The following RARB variants were observed in gnomAD, a reference collection of about 807,000 sequenced individuals.
RARB encodes HBV-activated protein.
RARB carries 17 observed loss-of-function variants against 51.9 expected under a neutral mutation model. The observed-to-expected ratio is 0.33, with a 90% CI of 0.22 to 0.49. The LOEUF (loss-of-function observed/expected upper bound fraction) is 0.49, where lower values mean the gene tolerates loss of function less well. Ranked by LOEUF, RARB falls within the 20% of genes least tolerant of loss-of-function variation. The probability of loss-of-function intolerance (pLI) is 0.99; values close to 1 mark genes in which losing one functional copy is unlikely to be tolerated. For missense variants in RARB, 369 were observed against 550.8 expected (o/e 0.67, Z 3.30); for synonymous variants, 215 against 195.4 (o/e 1.10, Z -0.84).
At chr3:25,274,141 C>G (rs1470659467) in intron 5 of RARB, among the ~76,000 whole-genome samples, 1 of 152,066 alleles carries the variant, frequency 6.6e-6, no homozygotes, top group Non-Finnish European at 1.5e-5. Flanking sequence ...TAAAAAGAAA[C>G]CAGTGAAATT....
chr3:25,174,676 TG>T (rs1700708731), intron 5 of RARB: 5 of 1,108,934 alleles, frequency 4.5e-6, no homozygotes, highest in Non-Finnish European at 6.0e-6. Flanking sequence ...CTTATTTCAT[TG>T]GGTGCTGGTT....
Position 25,144,805 on chromosome 3 carries a change from C to T in RARB, c.-280+12597C>T, listed in dbSNP as rs1357146000. On this transcript the variant is annotated intron_variant, in intron 4 of 11. Coordinates refer to the RARB transcript ENST00000383772. The stretch of plus-strand genomic sequence containing the variant: ...GAGCATGTGATCAGCCCGTATACCT[C>T]GAGGCTATATGGACTAATGAACAAT... Among the ~76,000 whole-genome samples the T allele has an allele frequency of 4.6e-5, 7 of 152,142 alleles. No individual in the cohort carries two copies. In the East Asian group the frequency reaches 7.7e-4, roughly 17 times the overall value.
chr3:24,964,624 C>T (rs191860528), intron 2 of RARB, among the ~76,000 whole-genome samples: 145 of 152,294 alleles, frequency 9.5e-4, no homozygotes, highest in Non-Finnish European at 1.2e-3. Context: ...TATGTTGATG[C>T]TTATGCATGC....
intron 2 of RARB, among the ~76,000 whole-genome samples, chr3:24,976,108 T>C (rs1484561746): frequency 6.6e-6 from 1 of 152,204 alleles, no homozygotes; most frequent in East Asian, 1.9e-4. Flanking sequence ...CTCATCCTTT[T>C]TTATGGCTGC....
intron 2 of RARB, among the ~76,000 whole-genome samples, chr3:24,904,490 A>G (rs1575063882): frequency 6.6e-6 from 1 of 152,336 alleles, no homozygotes; most frequent in South Asian, 2.1e-4. Context: ...TAGAATGGCG[A>G]TCATTAAAAA....
At chr3:25,073,976 C>G (rs1698821223) in intron 3 of RARB, among the ~76,000 whole-genome samples, 1 of 152,122 alleles carries the variant, frequency 6.6e-6, no homozygotes, top group African/African-American at 2.4e-5. Context: ...TAGTCTATGC[C>G]TCAGTACATG....
intron 5 of RARB, among the ~76,000 whole-genome samples, chr3:25,189,622 C>T (rs1701050874): frequency 1.3e-5 from 2 of 152,084 alleles, no homozygotes; most frequent in Non-Finnish European, 2.9e-5. Context: ...CATGGTGGCT[C>T]ATACCTGTAA....
intron 3 of RARB, among the ~76,000 whole-genome samples, chr3:25,106,182 A>G (rs1200785202): frequency 6.7e-6 from 1 of 150,276 alleles, no homozygotes; most frequent in Non-Finnish European, 1.5e-5. Flanking sequence ...TCTGTATTGT[A>G]TCAAGCCTAA....
intron 5 of RARB, among the ~76,000 whole-genome samples, chr3:25,334,775 G>C (rs1301828136): frequency 6.6e-6 from 1 of 152,210 alleles, no homozygotes; most frequent in African/African-American, 2.4e-5. Flanking sequence ...GAGTTCATGT[G>C]TGTTGGGAAT....
At chr3:25,460,060 A>AT (rs1265260663) in intron 1 of RARB, among the ~76,000 whole-genome samples, 1 of 152,116 alleles carries the variant, frequency 6.6e-6, no homozygotes, top group Non-Finnish European at 1.5e-5. Flanking sequence ...GAGGATTATT[A>AT]TTTTTTTAAT....
intron 5 of RARB, among the ~76,000 whole-genome samples, chr3:25,403,942 T>C (rs1006428082): frequency 2.3e-4 from 34 of 149,696 alleles, no homozygotes; most frequent in African/African-American, 6.9e-4. Flanking sequence ...CTTATAGTTA[T>C]AGGCCAAAGC....
chr3:25,367,850 T>C lies in RARB; in HGVS notation c.179-93343T>C, dbSNP rs915694438. The stretch of plus-strand genomic sequence containing the variant: ...AAACAAAAACAAAACAAAAGAAATA[T>C]GGCTATTCAATTTCATAGGAGAATT... On this transcript the variant is annotated intron_variant, in intron 5 of 11. Coordinates refer to the RARB transcript ENST00000383772. 3.5e-5 allele frequency among the ~76,000 whole-genome samples: 5 copies of C among 144,044 alleles called. No individual in the cohort carries two copies. The South Asian group carries it at 8.7e-4, about 25-fold the overall frequency. 94.5% of individuals were successfully genotyped at this position (144,044 alleles called of 152,430 possible). A position where few individuals can be genotyped will look rare whatever the true frequency, so the allele number is the denominator to read the frequency against.
chr3:25,133,429 A>G (rs1699983328), intron 4 of RARB, among the ~76,000 whole-genome samples: 1 of 151,968 alleles, frequency 6.6e-6, no homozygotes, highest in African/African-American at 2.4e-5. Context: ...TTAGGCAGTG[A>G]CAATCTCATC....
chr3:25,077,865 T>C (rs1268600280), intron 3 of RARB, among the ~76,000 whole-genome samples: 1 of 152,196 alleles, frequency 6.6e-6, no homozygotes, highest in Non-Finnish European at 1.5e-5. Context: ...ATTGTGATTC[T>C]TCGTAATTGT....
intron 2 of RARB, among the ~76,000 whole-genome samples, chr3:24,936,951 T>A (rs1196062744): frequency 1.3e-5 from 2 of 152,212 alleles, no homozygotes; most frequent in African/African-American, 4.8e-5. Context: ...ATTCCTGGGT[T>A]AAATATCTAT....
intron 4 of RARB, among the ~76,000 whole-genome samples, chr3:25,136,338 T>C (rs551203519): frequency 2.6e-5 from 4 of 152,186 alleles, no homozygotes; most frequent in African/African-American, 4.8e-5. Flanking sequence ...TTTATACTTG[T>C]ATATTAAAAA....
chr3:25,419,817 C>T (rs897198386), intron 5 of RARB, among the ~76,000 whole-genome samples: 3 of 152,140 alleles, frequency 2.0e-5, no homozygotes, highest in Admixed American at 6.5e-5. Flanking sequence ...CTTTACCTCC[C>T]ATGCTTATGT....
intron 3 of RARB, among the ~76,000 whole-genome samples, chr3:25,096,318 A>G (rs1004737072): frequency 5.3e-5 from 8 of 152,128 alleles, no homozygotes; most frequent in African/African-American, 1.4e-4. Flanking sequence ...GAGAACTTGT[A>G]TGGTGCCTCA....
At chr3:25,261,378 C>G (rs1355427460) in intron 5 of RARB, among the ~76,000 whole-genome samples, 1 of 152,102 alleles carries the variant, frequency 6.6e-6, no homozygotes, top group Admixed American at 6.6e-5. Flanking sequence ...GTTTTCTGCT[C>G]ATTTCTCACC....
Sources: allele counts gnomAD v4.1 joint callset (sites outside exome capture counted in the v4.1 genomes callset), GRCh38; gene constraint gnomAD v4.1.1; transcripts MANE v1.5; gene names NCBI Gene and HGNC (gene_info 2026-07-23, HGNC 2026-07-21).